Variants in PARL observed in about 807,000 individuals in gnomAD.
PARL encodes the protein presenilin-associated rhomboid-like protein, mitochondrial.
PARL carries 44 observed loss-of-function variants against 51.6 expected under a neutral mutation model. The observed-to-expected ratio is 0.85, with a 90% CI of 0.67 to 1.10. The LOEUF (loss-of-function observed/expected upper bound fraction) is 1.10, where lower values mean the gene tolerates loss of function less well. PARL is among the 50% of genes least tolerant of loss of function. The pLI is 0.00. For synonymous variants in PARL, 172 were observed against 164.0 expected (o/e 1.05, Z -0.37); for missense variants, 441 against 469.5 (o/e 0.94, Z 0.56).
chr3:183,845,549 C>CT (rs1350032408), intron 4 of PARL, among the ~76,000 whole-genome samples: 4 of 152,050 alleles, frequency 2.6e-5, no homozygotes, highest in Non-Finnish European at 5.9e-5. Context: ...AGCATTATAC[C>CT]ACCTTTGGTA....
downstream of PARL, among the ~76,000 whole-genome samples, chr3:183,827,856 A>G (rs1254410062): frequency 6.6e-6 from 1 of 152,136 alleles, no homozygotes; most frequent in Non-Finnish European, 1.5e-5. Context: ...CTCACAGATA[A>G]CTGAGGCTTC....
At chr3:183,851,102 A>C (rs968822330) in intron 4 of PARL, among the ~76,000 whole-genome samples, 1 of 152,222 alleles carries the variant, frequency 6.6e-6, no homozygotes, top group Non-Finnish European at 1.5e-5. Flanking sequence ...AGCCATAAGC[A>C]CAGAATGAGT....
chr3:183,864,338 G>C (rs1287028898), intron 3 of PARL, among the ~76,000 whole-genome samples: 3 of 152,038 alleles, frequency 2.0e-5, no homozygotes, highest in African/African-American at 2.4e-5. Context: ...CCAAGGAAGG[G>C]GAAAAGTAAA....
At chr3:183,830,519 G>T (rs1003258273) in intron 9 of PARL, among the ~76,000 whole-genome samples, 3 of 152,196 alleles carry the variant, frequency 2.0e-5, no homozygotes, top group African/African-American at 7.2e-5. Context: ...GCTTCCTGGA[G>T]GATGTGGGGT....
chr3:183,867,906 G>T lies in PARL; in HGVS notation c.280C>A (p.Pro94Thr). 2 of 1,613,518 alleles carry T rather than the reference G, an allele frequency of 1.2e-6. No individual in the cohort carries two copies. The highest frequency in any genetic ancestry group is 1.7e-6 in the Non-Finnish European group (2 of 1,179,518). ...AAAGGTTTTATGAGACTCCTTATAG[G>T]ATAGGGAGAAGGATAAAAGACTGTT... is the stretch of plus-strand genomic sequence containing the variant. ...EETVFYPSPYPIRSLIKPLFF... is the reference protein window; with the variant it reads ...EETVFYPSPYTIRSLIKPLFF... The change falls in exon 2 of 10, where the codon CCT (proline) becomes ACT (threonine). Residue 94 changes from proline to threonine, a missense_variant. Transcript: ENST00000317096.
At chr3:183,864,534 T>C (rs1732215609) in intron 3 of PARL, among the ~76,000 whole-genome samples, 1 of 152,084 alleles carries the variant, frequency 6.6e-6, no homozygotes, top group Non-Finnish European at 1.5e-5. Context: ...CCCAGCACTT[T>C]TGGAGGCCGA....
intron 1 of PARL, among the ~76,000 whole-genome samples, chr3:183,880,585 A>G (rs1292880659): frequency 1.3e-5 from 2 of 151,960 alleles, no homozygotes; most frequent in Non-Finnish European, 2.9e-5. Flanking sequence ...TGTTTTTAGT[A>G]GAGAGGGGGT....
intron 4 of PARL, chr3:183,844,918 T>C (rs1729770137): frequency 6.6e-6 from 1 of 152,470 alleles, no homozygotes; most frequent in Non-Finnish European, 1.5e-5. Flanking sequence ...CCTTTTTCTG[T>C]AAGTGTTGAT....
chr3:183,843,291 T>A, intron 5 of PARL: 2 of 985,350 alleles, frequency 2.0e-6, no homozygotes, highest in Non-Finnish European at 2.4e-6. Context: ...CTTGTCCTTA[T>A]GGCAAAAGTT....
chr3:183,838,046 G>A (rs184121631), intron 7 of PARL, among the ~76,000 whole-genome samples: 103 of 145,680 alleles, frequency 7.1e-4, no homozygotes, highest in Middle Eastern at 3.8e-3. Flanking sequence ...TTTTGAGATG[G>A]GGTCTCGCTA....
At position 183,851,513 on chromosome 3, in the gene PARL, CG is replaced by C. The variant is rs1322023774; in HGVS notation, c.512-7188del. 2.6e-5 allele frequency among the ~76,000 whole-genome samples: 4 copies of C among 151,398 alleles called. No individual in the cohort carries two copies. The East Asian group carries it at 7.7e-4, about 29-fold the overall frequency. On this transcript the variant is annotated intron_variant, in intron 4 of 9. Coordinates refer to ENST00000317096, the MANE Select transcript of PARL (RefSeq NM_018622.7). Reference sequence around the variant, plus strand: ...AGATTTGGAGAAACAGGCATTTCTCCGAAGAAGAATAAATATACAATAAGAC... The same window carrying C: ...AGATTTGGAGAAACAGGCATTTCTCCAAGAAGAATAAATATACAATAAGAC...
intron 2 of PARL, among the ~76,000 whole-genome samples, chr3:183,867,562 T>C (rs1246643689): frequency 2.0e-5 from 3 of 151,950 alleles, no homozygotes; most frequent in African/African-American, 4.8e-5. Flanking sequence ...TAGCCAGGCG[T>C]GGTGGCCAGT....
At chr3:183,882,289 A>T (rs1332908720) in intron 1 of PARL, among the ~76,000 whole-genome samples, 1 of 113,438 alleles carries the variant, frequency 8.8e-6, no homozygotes, top group African/African-American at 3.2e-5. Context: ...ATATACACAC[A>T]CACATATATA....
downstream of PARL, among the ~76,000 whole-genome samples, chr3:183,828,426 C>T (rs79832606): frequency 4.4e-3 from 674 of 152,322 alleles, 1 homozygote; most frequent in African/African-American, 0.015. Context: ...CCACGTGTGC[C>T]GTTTCCTCGC....
intron 1 of PARL, among the ~76,000 whole-genome samples, chr3:183,868,462 G>A (rs1256814500): frequency 2.0e-5 from 3 of 151,500 alleles, no homozygotes; most frequent in Admixed American, 6.6e-5. Flanking sequence ...TCCCTCTGTC[G>A]CTCAGTGGTA....
At chr3:183,832,121 T>A (rs1364467960) in intron 9 of PARL, among the ~76,000 whole-genome samples, 1 of 152,208 alleles carries the variant, frequency 6.6e-6, no homozygotes, top group East Asian at 1.9e-4. Flanking sequence ...TTGCATATAC[T>A]ACATACTACT....
chr3:183,882,129 G>A (rs1401209261), intron 1 of PARL, among the ~76,000 whole-genome samples: 3 of 148,580 alleles, frequency 2.0e-5, no homozygotes, highest in Non-Finnish European at 3.0e-5. Context: ...GCTTGAACCC[G>A]GGAGGCGGAA....
chr3:183,878,200 T>A (rs895957422), intron 1 of PARL, among the ~76,000 whole-genome samples: 1 of 152,142 alleles, frequency 6.6e-6, no homozygotes, highest in African/African-American at 2.4e-5. Context: ...CACCGCCCAG[T>A]CCTTGGTGTT....
chr3:183,828,604 C>G (rs779246617), downstream of PARL, among the ~76,000 whole-genome samples: 1 of 152,174 alleles, frequency 6.6e-6, no homozygotes, highest in African/African-American at 2.4e-5. Flanking sequence ...ATGTGCTGGG[C>G]GCGTGCTGCC....
Sources: gnomAD v4.1 joint callset for allele counts (sites outside exome capture counted in the v4.1 genomes callset) on GRCh38, gnomAD v4.1.1 for gene constraint, MANE v1.5 for transcripts, NCBI Gene and HGNC (gene_info 2026-07-23, HGNC 2026-07-21) for gene names.